The following DLGAP1 variants were observed in gnomAD, a reference collection of about 807,000 sequenced individuals.
The protein encoded by DLGAP1 is DLG associated protein 1, also known as disks large-associated protein 1.
A neutral mutation model predicts 90.8 loss-of-function variants in DLGAP1; 11 were observed. The ratio of observed to expected loss-of-function variants is 0.12; its 90% CI spans 0.08 to 0.20. DLGAP1 has a LOEUF of 0.20. DLGAP1 is among the 10% of genes least tolerant of loss of function. The pLI is 1.00. For synonymous variants in DLGAP1, 558 were observed against 540.7 expected (o/e 1.03, Z -0.44); for missense variants, 1,050 against 1,333.8 (o/e 0.79, Z 3.31).
chr18:3,570,573 T>C (rs2054715987), intron 8 of DLGAP1, among the ~76,000 whole-genome samples: 1 of 151,872 alleles, frequency 6.6e-6, no homozygotes, highest in Admixed American at 6.6e-5. Flanking sequence ...TTTCCTAATA[T>C]AATTTTGTAA....
intron 4 of DLGAP1, among the ~76,000 whole-genome samples, chr18:3,858,670 T>C (rs2069831702): frequency 6.6e-6 from 1 of 152,000 alleles, no homozygotes; most frequent in Admixed American, 6.6e-5. Context: ...AAGAGACTGA[T>C]AAAAATTTCA....
Position 3,608,663 on chromosome 18 carries a change from G to T in DLGAP1, c.1592-26415C>A, listed in dbSNP as rs902238794. Among the ~76,000 whole-genome samples, 3 of 152,132 alleles carry T rather than the reference G, an allele frequency of 2.0e-5. No homozygotes were observed. In the South Asian group the frequency reaches 6.2e-4, roughly 32 times the overall value. On this transcript the variant is annotated intron_variant, in intron 7 of 12. Transcript: ENST00000315677. ...CTGTGAGAGCTGGCCACGAGGGAATGCTCTGACCTATCTTTGTCTGAAAGT... is the reference window on the plus strand; with the variant it reads ...CTGTGAGAGCTGGCCACGAGGGAATTCTCTGACCTATCTTTGTCTGAAAGT...
At chr18:4,030,118 A>G (rs968113278) in intron 2 of DLGAP1, among the ~76,000 whole-genome samples, 1 of 152,054 alleles carries the variant, frequency 6.6e-6, no homozygotes, top group African/African-American at 2.4e-5. Flanking sequence ...TCAGCCTCCC[A>G]AATAGCTGAT....
intron 10 of DLGAP1, among the ~76,000 whole-genome samples, chr18:3,525,417 C>T (rs2051549320): frequency 6.6e-6 from 1 of 151,952 alleles, no homozygotes; most frequent in Non-Finnish European, 1.5e-5. Flanking sequence ...AATTTATTTT[C>T]GACATGGAGT....
chr18:4,053,101 A>G (rs2075159910), intron 2 of DLGAP1, among the ~76,000 whole-genome samples: 2 of 152,178 alleles, frequency 1.3e-5, no homozygotes, highest in Admixed American at 1.3e-4. Flanking sequence ...CACATTTTCA[A>G]GTATCTTTAC....
At chr18:3,552,047 G>A (rs543627) in intron 9 of DLGAP1, among the ~76,000 whole-genome samples, 99,417 of 150,970 alleles carry the variant, frequency 0.66, 34,007 homozygotes, top group Admixed American at 0.75. Context: ...GGCCCAAGCA[G>A]TCCTCCTGCC....
intron 1 of DLGAP1, among the ~76,000 whole-genome samples, chr18:4,265,662 TCCC>T (rs2079110511): frequency 1.8e-5 from 1 of 54,226 alleles, no homozygotes; most frequent in Non-Finnish European, 2.8e-5. Context: ...CCTCCCTCCC[TCCC>T]TTCCTTCCTT....
chr18:4,145,239 AAC>A (rs745639521), intron 2 of DLGAP1, among the ~76,000 whole-genome samples: 21 of 152,304 alleles, frequency 1.4e-4, no homozygotes, highest in Admixed American at 4.6e-4. Flanking sequence ...ATGACAAATA[AAC>A]ACAGTATTCT....
At chr18:4,123,698 C>G (rs188622099) in intron 2 of DLGAP1, among the ~76,000 whole-genome samples, 1 of 152,118 alleles carries the variant, frequency 6.6e-6, no homozygotes, top group Non-Finnish European at 1.5e-5. Context: ...CAGCAATTGC[C>G]CTGCGAATAC....
intron 3 of DLGAP1, among the ~76,000 whole-genome samples, chr18:3,931,059 A>T (rs2072504981): frequency 6.6e-6 from 1 of 152,182 alleles, no homozygotes; most frequent in South Asian, 2.1e-4. Context: ...TTCTGGGTGT[A>T]GTCACTGTGC....
At chr18:3,768,310 T>C (rs2147981428) in intron 5 of DLGAP1, among the ~76,000 whole-genome samples, 1 of 152,248 alleles carries the variant, frequency 6.6e-6, no homozygotes, top group African/African-American at 2.4e-5. Flanking sequence ...ATGATTTTAA[T>C]AAATGGAGAC....
intron 1 of DLGAP1, among the ~76,000 whole-genome samples, chr18:4,321,930 G>A (rs2080696143): frequency 6.7e-6 from 1 of 150,220 alleles, no homozygotes; most frequent in African/African-American, 2.5e-5. Context: ...GGTGAGGGTG[G>A]TTCACGCCTG....
chr18:4,392,115 T>C (rs1445408984), intron 1 of DLGAP1, among the ~76,000 whole-genome samples: 1 of 152,150 alleles, frequency 6.6e-6, no homozygotes. Flanking sequence ...AGTTTCCTCC[T>C]GATTACTAGG....
At chr18:3,913,527 A>AT (rs201875269) in intron 3 of DLGAP1, among the ~76,000 whole-genome samples, 2,300 of 152,334 alleles carry the variant, frequency 0.015, 33 homozygotes, top group Non-Finnish European at 0.023. Context: ...CTTAAGAAGC[A>AT]TATATTTACT....
intron 4 of DLGAP1, among the ~76,000 whole-genome samples, chr18:3,848,127 CAAAAAAAAAAAAAAAA>C (rs3862177): frequency 3.1e-5 from 1 of 32,076 alleles, no homozygotes; most frequent in Non-Finnish European, 4.8e-5. Flanking sequence ...GGCCCCGTCT[CAAAAAAAAAAAAAAAA>C]AAAAAAAAAA....
intron 2 of DLGAP1, among the ~76,000 whole-genome samples, chr18:4,048,188 A>G (rs1275140357): frequency 1.3e-5 from 2 of 152,206 alleles, no homozygotes; most frequent in African/African-American, 2.4e-5. Context: ...AACAAATTAA[A>G]TGTAGAATTG....
At chr18:3,680,613 CCT>C (rs1180938882) in intron 7 of DLGAP1, among the ~76,000 whole-genome samples, 3 of 151,912 alleles carry the variant, frequency 2.0e-5, no homozygotes, top group African/African-American at 4.8e-5. Context: ...TGGTGAAACC[CCT>C]GTCTCTACTA....
intron 10 of DLGAP1, among the ~76,000 whole-genome samples, chr18:3,530,807 C>T (rs918046728): frequency 5.9e-5 from 9 of 152,128 alleles, no homozygotes; most frequent in Non-Finnish European, 1.2e-4. Flanking sequence ...TTTCCACTGC[C>T]AAGTTGTTTG....
At chr18:4,243,883 G>T (rs895920271) in intron 1 of DLGAP1, among the ~76,000 whole-genome samples, 1 of 152,116 alleles carries the variant, frequency 6.6e-6, no homozygotes, top group African/African-American at 2.4e-5. Context: ...AAAAATTAAG[G>T]TAGCTATATT....
Sources: allele counts gnomAD v4.1 joint callset (sites outside exome capture counted in the v4.1 genomes callset), GRCh38; gene constraint gnomAD v4.1.1; transcripts MANE v1.5; gene names NCBI Gene and HGNC (gene_info 2026-07-23, HGNC 2026-07-21).